The following MGRN1 variants were observed in gnomAD, a reference collection of about 807,000 sequenced individuals.
MGRN1 encodes the protein mahogunin ring finger 1.
MGRN1 carries 29 observed loss-of-function variants against 69.2 expected under a neutral mutation model. The observed-to-expected ratio is 0.42, with a 90% CI of 0.31 to 0.57. The LOEUF (loss-of-function observed/expected upper bound fraction) is 0.57, where lower values mean the gene tolerates loss of function less well. MGRN1 is among the 20% of genes least tolerant of loss of function. The pLI is 0.15. For synonymous variants in MGRN1, 470 were observed against 344.2 expected (o/e 1.37, Z -4.04); for missense variants, 998 against 796.2 (o/e 1.25, Z -3.05).
At chr16:4,644,047 G>A (rs2078220912) in intron 1 of MGRN1, among the ~76,000 whole-genome samples, 1 of 151,478 alleles carries the variant, frequency 6.6e-6, no homozygotes, top group Non-Finnish European at 1.5e-5. Context: ...GTGCAATCTC[G>A]GCTCCCTGCA....
Position 4,688,912 on chromosome 16 carries a change from C to T in MGRN1, c.*4C>T. ...CGCCGAGCTGACCCCACTCTGAGAG[C>T]CTGGCCGAGCTGGCAGCATGGAGCC... On this transcript the variant is annotated 3_prime_UTR_variant, in exon 17 of 17. Coordinates refer to ENST00000262370, the MANE Select transcript of MGRN1 (RefSeq NM_015246.4). 6.5e-7 allele frequency: 1 copy of T among 1,537,386 alleles called. No individual in the cohort carries two copies. The highest frequency in any genetic ancestry group is 8.8e-7 in the Non-Finnish European group (1 of 1,136,906).
Position 4,687,418 on chromosome 16 carries a change from G to A in MGRN1, c.1619-1378G>A. On this transcript the variant is annotated intron_variant, in intron 16 of 16. Coordinates refer to ENST00000262370, the MANE Select transcript of MGRN1 (RefSeq NM_015246.4). ...AATTGGCTTGGGCGTGGTAGCTTGT[G>A]CCTGTGGTCCCAGCTACTCAGGGGT... 3 of 896,044 alleles carry A rather than the reference G, an allele frequency of 3.3e-6. No homozygotes were observed. The East Asian group carries it at 3.6e-4, about 107-fold the overall frequency. The allele number at this position is 896,044 out of a possible 1,614,324, so 55.5% of individuals were successfully genotyped here.
chr16:4,653,362 A>C (rs938259031), intron 4 of MGRN1, among the ~76,000 whole-genome samples: 1 of 152,172 alleles, frequency 6.6e-6, no homozygotes, highest in African/African-American at 2.4e-5. Flanking sequence ...TGAAAACCCC[A>C]TTTCAGGGCC....
chr16:4,629,147 C>CGTGTGTGTGTGTGTGTGTGTGT (rs1442184525), intron 1 of MGRN1, among the ~76,000 whole-genome samples: 1 of 48,652 alleles, frequency 2.1e-5, no homozygotes, highest in African/African-American at 7.7e-5. Flanking sequence ...GCTTTCTGTT[C>CGTGTGTGTGTGTGTGTGTGTGT]GTATGTGTGT....
intron 5 of MGRN1, among the ~76,000 whole-genome samples, chr16:4,663,828 C>T (rs549065582): frequency 1.4e-4 from 21 of 152,208 alleles, no homozygotes; most frequent in African/African-American, 4.1e-4. Flanking sequence ...ACTGCTGGGG[C>T]CCTGGGGGCC....
At chr16:4,655,788 C>G (rs1033998325) in intron 4 of MGRN1, among the ~76,000 whole-genome samples, 1 of 152,268 alleles carries the variant, frequency 6.6e-6, no homozygotes, top group Non-Finnish European at 1.5e-5. Context: ...AGTGCTCCAT[C>G]CATTTGAGCT....
At chr16:4,630,106 C>T (rs1231238613) in intron 1 of MGRN1, among the ~76,000 whole-genome samples, 7 of 145,770 alleles carry the variant, frequency 4.8e-5, no homozygotes, top group Non-Finnish European at 1.0e-4. Context: ...AATCCTAGCA[C>T]TTTGGGAGAC....
chr16:4,673,037 A>C (rs956175781), intron 9 of MGRN1, among the ~76,000 whole-genome samples: 1 of 152,024 alleles, frequency 6.6e-6, no homozygotes, highest in African/African-American at 2.4e-5. Flanking sequence ...ACGGGGTTTC[A>C]CTATGTTAGC....
chr16:4,672,999 C>T (rs1458335244), intron 9 of MGRN1, among the ~76,000 whole-genome samples: 3 of 151,996 alleles, frequency 2.0e-5, no homozygotes, highest in South Asian at 2.1e-4. Context: ...CCACCATGCC[C>T]GGCTAATTTT....
chr16:4,687,896 C>T (rs2079368764), intron 16 of MGRN1: 1 of 985,552 alleles, frequency 1.0e-6, no homozygotes, highest in Non-Finnish European at 1.2e-6. Context: ...CTCTGTTGAC[C>T]CCTGTCCTGA....
intron 1 of MGRN1, chr16:4,650,029 G>A (rs1021257389): frequency 3.7e-5 from 7 of 190,950 alleles, no homozygotes; most frequent in Admixed American, 2.4e-4. Context: ...CAGGCTGGGC[G>A]CCGTGGCTCA....
intron 10 of MGRN1, among the ~76,000 whole-genome samples, chr16:4,675,198 C>G (rs1013094673): frequency 9.9e-5 from 15 of 151,918 alleles, no homozygotes; most frequent in African/African-American, 3.4e-4. Context: ...GTCTGAAGCT[C>G]CTGACCTCAA....
intron 4 of MGRN1, among the ~76,000 whole-genome samples, chr16:4,654,093 T>C (rs983233363): frequency 6.6e-6 from 1 of 152,102 alleles, no homozygotes; most frequent in African/African-American, 2.4e-5. Context: ...CGGGAGCTCT[T>C]AGACGACACT....
chr16:4,686,556 G>C, intron 16 of MGRN1: 2 of 1,336,550 alleles, frequency 1.5e-6, no homozygotes, highest in African/African-American at 1.5e-5. Context: ...GGCCGGTCAG[G>C]CTCTTCTTCC....
chr16:4,662,145 T>A (rs1452078658), intron 5 of MGRN1, among the ~76,000 whole-genome samples: 1 of 152,204 alleles, frequency 6.6e-6, no homozygotes, highest in African/African-American at 2.4e-5. Context: ...TCCTTTCTTC[T>A]CGTCTGTATT....
rs187736100 is a variant in MGRN1 at position 4,668,585 on chromosome 16, G to T, written c.726+273G>T. Reference sequence around the variant, plus strand: ...TACTCGCACACACTCATACAGACACGACACTCATACACACATACACTCACA... The same window carrying T: ...TACTCGCACACACTCATACAGACACTACACTCATACACACATACACTCACA... On this transcript the variant is annotated intron_variant, in intron 8 of 16. Coordinates refer to ENST00000262370, the MANE Select transcript of MGRN1 (RefSeq NM_015246.4). Among the ~76,000 whole-genome samples, 31 of 149,414 alleles carry T rather than the reference G, an allele frequency of 2.1e-4. No homozygotes were observed. The East Asian group carries it at 5.9e-3, about 29-fold the overall frequency.
intron 12 of MGRN1, chr16:4,681,288 G>C: frequency 2.0e-6 from 1 of 510,662 alleles, no homozygotes; most frequent in Non-Finnish European, 3.5e-6. Context: ...GTTGAGGCCA[G>C]GGCTGGGGCG....
chr16:4,650,809 A>G, intron 2 of MGRN1: 1 of 219,746 alleles, frequency 4.6e-6, no homozygotes, highest in Non-Finnish European at 8.9e-6. Context: ...TTTACAAGGC[A>G]AAAATAGTAT....
intron 5 of MGRN1, among the ~76,000 whole-genome samples, chr16:4,662,448 G>A (rs1257585413): frequency 6.6e-6 from 1 of 151,786 alleles, no homozygotes; most frequent in Non-Finnish European, 1.5e-5. Flanking sequence ...CCCAGGGGGT[G>A]GAGGTTGCAG....
Sources: allele counts gnomAD v4.1 joint callset (sites outside exome capture counted in the v4.1 genomes callset), GRCh38; gene constraint gnomAD v4.1.1; transcripts MANE v1.5; gene names NCBI Gene and HGNC (gene_info 2026-07-23, HGNC 2026-07-21).